The following MUC7 variants were observed in gnomAD, a reference collection of about 807,000 sequenced individuals.
MUC7 encodes mucin 7, secreted, also known as mucin-7.
MUC7 carries 2 observed loss-of-function variants against 2.5 expected under a neutral mutation model. That is an observed-to-expected ratio of 0.81 (90% CI 0.33 to 2.55). MUC7 has a LOEUF of 2.55. Among genes scored for constraint, MUC7 ranks in the 30% most tolerant of loss-of-function variants. MUC7 has a pLI of 0.11. For synonymous variants in MUC7, 133 were observed against 173.4 expected (o/e 0.77, Z 1.83); for missense variants, 408 against 455.6 (o/e 0.90, Z 0.95).
intron 1 of MUC7, among the ~76,000 whole-genome samples, chr4:70,455,734 G>A (rs1008607511): frequency 1.3e-5 from 2 of 152,138 alleles, no homozygotes; most frequent in African/African-American, 2.4e-5. Flanking sequence ...ATCAAAAGGT[G>A]TATGTGGAAC....
chr4:70,431,016 T>TAA (rs1733647856), intron 1 of MUC7, among the ~76,000 whole-genome samples: 1 of 152,162 alleles, frequency 6.6e-6, no homozygotes, highest in African/African-American at 2.4e-5. Flanking sequence ...CTGACATTAG[T>TAA]CCTAAAATAA....
chr4:70,434,260 T>C (rs1429168683), intron 1 of MUC7, among the ~76,000 whole-genome samples: 1 of 152,220 alleles, frequency 6.6e-6, no homozygotes, highest in East Asian at 1.9e-4. Context: ...GGATTCCCTC[T>C]TTTTCTACTG....
chr4:70,458,125 T>C (rs958147611), intron 1 of MUC7, among the ~76,000 whole-genome samples: 2 of 152,022 alleles, frequency 1.3e-5, no homozygotes, highest in African/African-American at 4.8e-5. Flanking sequence ...ATATTAAAAT[T>C]CACATACTAA....
intron 1 of MUC7, among the ~76,000 whole-genome samples, chr4:70,457,855 C>A (rs1734449968): frequency 1.3e-5 from 2 of 152,036 alleles, no homozygotes; most frequent in African/African-American, 2.4e-5. Flanking sequence ...TTAAAATCCT[C>A]TCACAAAGGA....
Position 70,461,428 on chromosome 4 carries a change from T to C in MUC7, c.-92-10787T>C, listed in dbSNP as rs77188644. On this transcript the variant is annotated intron_variant, in intron 1 of 3. Coordinates refer to the MUC7 transcript ENST00000413702. ...ATGGACTCATTATTAGAAAAACCTG[T>C]GTGTTTTACTGATTTTCCAGTAGAA... Among the ~76,000 whole-genome samples, 311 of 152,308 alleles carry C rather than the reference T, an allele frequency of 2.0e-3. 3 individuals carry two copies. The highest frequency in any genetic ancestry group is 7.3e-3 in the African/African-American group (303 of 41,578).
chr4:70,448,308 T>C (rs1734193671), intron 1 of MUC7, among the ~76,000 whole-genome samples: 1 of 152,182 alleles, frequency 6.6e-6, no homozygotes, highest in African/African-American at 2.4e-5. Flanking sequence ...CACCTAGCAG[T>C]GGAATTGCTA....
intron 1 of MUC7, among the ~76,000 whole-genome samples, chr4:70,449,403 A>T (rs7674042): frequency 6.6e-6 from 1 of 151,916 alleles, no homozygotes; most frequent in Non-Finnish European, 1.5e-5. Flanking sequence ...AAACCACTAG[A>T]TCTCATGAGA....
chr4:70,464,960 C>T (rs947353910), intron 1 of MUC7, among the ~76,000 whole-genome samples: 8 of 152,206 alleles, frequency 5.3e-5, no homozygotes, highest in African/African-American at 1.9e-4. Context: ...CTGGGAGACA[C>T]CTCCCAGCAG....
At chr4:70,470,912 T>C (rs1734818381), upstream of MUC7, among the ~76,000 whole-genome samples, 1 of 152,222 alleles carries the variant, frequency 6.6e-6, no homozygotes, top group Non-Finnish European at 1.5e-5. Flanking sequence ...ACTTTTAACT[T>C]ATCTACTTTC....
chr4:70,472,332 A>G (rs1397084485), intron 1 of MUC7, 41 bp downstream of exon 1: 1 of 152,204 alleles, frequency 6.6e-6, no homozygotes, highest in Non-Finnish European at 1.5e-5. Context: ...TAAACTAAAC[A>G]GCTTTCAAGT....
exon 1 of MUC7, chr4:70,430,647 C>G (rs935209537): frequency 6.6e-6 from 1 of 152,076 alleles, no homozygotes; most frequent in Non-Finnish European, 1.5e-5. Flanking sequence ...ATTCAACTGA[C>G]AAGTAGTTTG....
intron 1 of MUC7, among the ~76,000 whole-genome samples, chr4:70,473,006 T>C (rs6825622): frequency 0.014 from 2,057 of 152,326 alleles, 49 homozygotes; most frequent in African/African-American, 0.047. Context: ...TCTTCCCTTC[T>C]ACAACCTATA....
chr4:70,472,413 CAA>C (rs1734857770), intron 1 of MUC7, 122 bp downstream of exon 1: 1 of 152,142 alleles, frequency 6.6e-6, no homozygotes. Context: ...TATGAACTGC[CAA>C]ACAGTGTGGT....
At chr4:70,470,572 T>G (rs564473958), upstream of MUC7, among the ~76,000 whole-genome samples, 2 of 152,282 alleles carry the variant, frequency 1.3e-5, no homozygotes, top group South Asian at 4.1e-4. Flanking sequence ...TGAGGATAAT[T>G]AGACAATTTT....
intron 1 of MUC7, among the ~76,000 whole-genome samples, chr4:70,466,147 T>A (rs547317973): frequency 6.6e-6 from 1 of 152,188 alleles, no homozygotes; most frequent in African/African-American, 2.4e-5. Context: ...GAATTTCATA[T>A]CCAGCCAAAC....
chr4:70,473,116 T>C (rs1288667629), intron 1 of MUC7, among the ~76,000 whole-genome samples: 1 of 152,134 alleles, frequency 6.6e-6, no homozygotes. Flanking sequence ...GAATAAAGAA[T>C]AATTCCTGTC....
chr4:70,440,922 C>T (rs1264007663), intron 1 of MUC7, among the ~76,000 whole-genome samples: 1 of 152,018 alleles, frequency 6.6e-6, no homozygotes, highest in Non-Finnish European at 1.5e-5. Context: ...CATTTGGAAA[C>T]ATAAACAGTG....
At chr4:70,460,165 C>T (rs971903998) in intron 1 of MUC7, among the ~76,000 whole-genome samples, 6 of 151,408 alleles carry the variant, frequency 4.0e-5, no homozygotes, top group African/African-American at 1.2e-4. Flanking sequence ...ACTTAGATTA[C>T]ACTATAGACG....
intron 1 of MUC7, among the ~76,000 whole-genome samples, chr4:70,457,169 G>A (rs1734435330): frequency 6.6e-6 from 1 of 152,200 alleles, no homozygotes; most frequent in Non-Finnish European, 1.5e-5. Context: ...TTGGCCAGGT[G>A]TGGTGGCTCA....
Sources: gnomAD v4.1 joint callset for allele counts (sites outside exome capture counted in the v4.1 genomes callset) on GRCh38, gnomAD v4.1.1 for gene constraint, MANE v1.5 for transcripts, NCBI Gene and HGNC (gene_info 2026-07-23, HGNC 2026-07-21) for gene names.